HS3ST5: variants seen among roughly 807,000 people sequenced by gnomAD.
The protein encoded by HS3ST5 is heparan sulfate glucosamine 3-O-sulfotransferase 5.
Under a neutral mutation model 25.4 loss-of-function variants are expected in HS3ST5, and 10 were observed. The observed-to-expected ratio is 0.39, with a 90% CI of 0.24 to 0.67. HS3ST5 has a LOEUF of 0.67. Among genes scored for constraint, HS3ST5 ranks in the 30% least tolerant of loss-of-function variants. The pLI is 0.44. For missense variants in HS3ST5, 324 were observed against 420.7 expected (o/e 0.77, Z 2.01); for synonymous variants, 170 against 162.4 (o/e 1.05, Z -0.36).
intron 3 of HS3ST5, among the ~76,000 whole-genome samples, chr6:114,078,078 T>A (rs1194576366): frequency 6.6e-6 from 1 of 152,210 alleles, no homozygotes; most frequent in East Asian, 1.9e-4. Context: ...AATTACCAAG[T>A]TAGATCCAAA....
chr6:114,289,921 T>C (rs1343342744), intron 1 of HS3ST5, among the ~76,000 whole-genome samples: 5 of 152,172 alleles, frequency 3.3e-5, no homozygotes, highest in Non-Finnish European at 5.9e-5. Context: ...GGTTATATAA[T>C]AGTATTGTAC....
At position 114,132,786 on chromosome 6, in the gene HS3ST5, G is replaced by A. The variant is rs78765874; in HGVS notation, c.-33+35565C>T. Among the ~76,000 whole-genome samples, 1,008 of 152,274 alleles carry A rather than the reference G, an allele frequency of 6.6e-3. 54 individuals are homozygous for A. The East Asian group carries it at 0.12, about 18-fold the overall frequency. On this transcript the variant is annotated intron_variant, in intron 3 of 4. Coordinates refer to ENST00000312719, the MANE Select transcript of HS3ST5 (RefSeq NM_153612.4). Reference sequence around the variant, plus strand: ...TAGTAGGTCTGAAGGGGAGGCTAACGGCTGGACCTTGAGGCTCCTGTCCCA... The same window carrying A: ...TAGTAGGTCTGAAGGGGAGGCTAACAGCTGGACCTTGAGGCTCCTGTCCCA...
At chr6:114,188,081 C>T (rs1273766720) in intron 2 of HS3ST5, among the ~76,000 whole-genome samples, 2 of 152,176 alleles carry the variant, frequency 1.3e-5, no homozygotes, top group East Asian at 3.8e-4. Flanking sequence ...ATGTGACTCA[C>T]TTTATCATGG....
At chr6:114,341,240 A>G (rs963399649) in intron 1 of HS3ST5, among the ~76,000 whole-genome samples, 17 of 145,504 alleles carry the variant, frequency 1.2e-4, no homozygotes, top group African/African-American at 4.5e-4. Context: ...AGAGAGAGAG[A>G]GAGAGAGAGA....
intron 2 of HS3ST5, among the ~76,000 whole-genome samples, chr6:114,196,928 T>C (rs1780788266): frequency 6.6e-6 from 1 of 152,018 alleles, no homozygotes; most frequent in Non-Finnish European, 1.5e-5. Context: ...GAAAGAATGC[T>C]ATTGAAGGGT....
intron 1 of HS3ST5, among the ~76,000 whole-genome samples, chr6:114,289,504 A>C (rs940410117): frequency 6.6e-6 from 1 of 152,152 alleles, no homozygotes; most frequent in Admixed American, 6.5e-5. Context: ...CATTTATAGA[A>C]TTAATTCACC....
chr6:114,286,333 C>G (rs976305879), intron 1 of HS3ST5, among the ~76,000 whole-genome samples: 22 of 151,840 alleles, frequency 1.4e-4, no homozygotes, highest in African/African-American at 5.3e-4. Context: ...TGGGAAATTG[C>G]TAATCAATGG....
intron 1 of HS3ST5, among the ~76,000 whole-genome samples, chr6:114,317,982 T>C (rs1775810441): frequency 6.6e-6 from 1 of 152,102 alleles, no homozygotes; most frequent in Non-Finnish European, 1.5e-5. Context: ...CTTTAGTAAA[T>C]AAAATGAGCT....
At chr6:114,153,620 C>T (rs1474025828) in intron 3 of HS3ST5, among the ~76,000 whole-genome samples, 1 of 152,204 alleles carries the variant, frequency 6.6e-6, no homozygotes, top group African/African-American at 2.4e-5. Flanking sequence ...CTTCTGTGCT[C>T]AGTGAGGTAT....
At position 114,342,287 on chromosome 6, in the gene HS3ST5, C is replaced by A; in HGVS notation, c.-431G>T. Reference sequence around the variant, plus strand: ...GGGGTCACCCGGCCGCTGCTGCGGTCCGGACGGCAGTTGGTCCAGTAGTTT... The same window carrying A: ...GGGGTCACCCGGCCGCTGCTGCGGTACGGACGGCAGTTGGTCCAGTAGTTT... On this transcript the variant is annotated 5_prime_UTR_variant, in exon 1 of 5. Transcript: ENST00000312719. 1 of 153,196 alleles carries A rather than the reference C, an allele frequency of 6.5e-6. No homozygotes were observed. Among genetic ancestry groups the A allele is most frequent in the South Asian group, 1.8e-4 (1 of 5,638 alleles). The allele number at this position is 153,196 out of a possible 1,614,324, so 9.5% of individuals were successfully genotyped here.
intron 1 of HS3ST5, among the ~76,000 whole-genome samples, chr6:114,266,471 G>T (rs1006000741): frequency 6.6e-6 from 1 of 152,158 alleles, no homozygotes; most frequent in Non-Finnish European, 1.5e-5. Flanking sequence ...TGAGGCATTA[G>T]CTAACTCTCT....
At chr6:114,299,860 G>C in intron 1 of HS3ST5, among the ~76,000 whole-genome samples, 1 of 152,192 alleles carries the variant, frequency 6.6e-6, no homozygotes, top group South Asian at 2.1e-4. Flanking sequence ...GAAAATGTAA[G>C]TTTTGTGTTC....
chr6:114,283,883 G>C (rs1774230510), intron 1 of HS3ST5, among the ~76,000 whole-genome samples: 1 of 151,938 alleles, frequency 6.6e-6, no homozygotes, highest in African/African-American at 2.4e-5. Context: ...GGATTATTTA[G>C]GCAGGAAATA....
chr6:114,225,182 T>C (rs1476813140), intron 2 of HS3ST5, among the ~76,000 whole-genome samples: 2 of 151,816 alleles, frequency 1.3e-5, no homozygotes, highest in East Asian at 3.9e-4. Context: ...AAAATTCATC[T>C]CCTTGAAACT....
At chr6:114,188,165 C>T (rs935365946) in intron 2 of HS3ST5, among the ~76,000 whole-genome samples, 1 of 152,138 alleles carries the variant, frequency 6.6e-6, no homozygotes, top group Admixed American at 6.6e-5. Context: ...CTAACTAACA[C>T]AGCATAGCAG....
chr6:114,190,970 C>T (rs900122555), intron 2 of HS3ST5, among the ~76,000 whole-genome samples: 2 of 152,156 alleles, frequency 1.3e-5, no homozygotes, highest in South Asian at 4.1e-4. Flanking sequence ...GGGTGAAGGT[C>T]ACTTTATTGC....
At chr6:114,190,645 A>G (rs1780457016) in intron 2 of HS3ST5, among the ~76,000 whole-genome samples, 1 of 152,152 alleles carries the variant, frequency 6.6e-6, no homozygotes, top group Non-Finnish European at 1.5e-5. Context: ...AATCATCACC[A>G]TATATAATTC....
Position 114,226,793 on chromosome 6 carries a change from T to C in HS3ST5, c.-145+1792A>G, listed in dbSNP as rs569469463. On this transcript the variant is annotated intron_variant, in intron 2 of 4. Coordinates refer to ENST00000312719, the MANE Select transcript of HS3ST5 (RefSeq NM_153612.4). Reference sequence around the variant, plus strand: ...AAGAAACTGCAACTTAAAAACATAGTCTGATAAATACACCAATGATAATGA... The same window carrying C: ...AAGAAACTGCAACTTAAAAACATAGCCTGATAAATACACCAATGATAATGA... Among the ~76,000 whole-genome samples the C allele has an allele frequency of 2.4e-4, 36 of 152,120 alleles. 2 individuals carry two copies. In the South Asian group the frequency reaches 7.3e-3, roughly 31 times the overall value.
At chr6:114,123,950 C>A (rs917619689) in intron 3 of HS3ST5, among the ~76,000 whole-genome samples, 1 of 151,948 alleles carries the variant, frequency 6.6e-6, no homozygotes, top group African/African-American at 2.4e-5. Flanking sequence ...ATAAGGATAC[C>A]AGCTCTTTCA....
Sources: gnomAD v4.1 joint callset for allele counts (sites outside exome capture counted in the v4.1 genomes callset) on GRCh38, gnomAD v4.1.1 for gene constraint, MANE v1.5 for transcripts, NCBI Gene and HGNC (gene_info 2026-07-23, HGNC 2026-07-21) for gene names.